Variants in NPIPB2 observed in about 807,000 individuals in gnomAD.
NPIPB2 encodes the protein nuclear pore complex interacting protein family member B2, also known as nuclear pore complex-interacting protein family member B2.
In NPIPB2, 27 loss-of-function variants were observed where a neutral mutation model predicts 30.8. The observed-to-expected ratio is 0.88, with a 90% CI of 0.65 to 1.21. NPIPB2 has a LOEUF of 1.21. Ranked by LOEUF, NPIPB2 falls within the 50% of genes most tolerant of loss-of-function variation. The pLI is 0.00. For synonymous variants in NPIPB2, 147 were observed against 162.0 expected, an observed-to-expected ratio of 0.91 and a Z score of 0.70; for missense variants, 440 against 446.2, an observed-to-expected ratio of 0.99 and a Z score of 0.13.
intron 1 of NPIPB2, chr16:11,941,774 C>T (rs1010643038): frequency 5.6e-5 from 61 of 1,084,722 alleles, no homozygotes; most frequent in Non-Finnish European, 7.8e-5. Flanking sequence ...TCCAATGACC[C>T]CTCCCCCATC....
chr16:11,932,767 C>T (rs1381737764), intron 4 of NPIPB2, among the ~76,000 whole-genome samples: 2 of 60,768 alleles, frequency 3.3e-5, no homozygotes, highest in African/African-American at 1.3e-4. Flanking sequence ...CAGAGTGAGA[C>T]TCTGTCTCAA....
upstream of NPIPB2, among the ~76,000 whole-genome samples, chr16:11,943,603 G>A (rs1214146693): frequency 6.6e-6 from 1 of 151,984 alleles, no homozygotes; most frequent in Non-Finnish European, 1.5e-5. Context: ...TCAGAAGGCT[G>A]AGGCAGGACA....
intron 2 of NPIPB2, among the ~76,000 whole-genome samples, chr16:11,936,793 C>T: frequency 7.0e-6 from 1 of 143,596 alleles, no homozygotes. Flanking sequence ...TGCCCAGACA[C>T]ACTTTTCATT....
At chr16:11,963,351 G>A (rs545913948) in intron 1 of NPIPB2, among the ~76,000 whole-genome samples, 147 of 148,338 alleles carry the variant, frequency 9.9e-4, no homozygotes, top group Non-Finnish European at 1.7e-3. Flanking sequence ...TTGCACTCCA[G>A]CCTGGGCAAT....
chr16:11,961,268 G>C (rs2055150872), intron 1 of NPIPB2, among the ~76,000 whole-genome samples: 3 of 152,140 alleles, frequency 2.0e-5, no homozygotes, highest in South Asian at 4.1e-4. Context: ...AGGGAGTGGA[G>C]CCTCCTGGGC....
intron 1 of NPIPB2, among the ~76,000 whole-genome samples, chr16:11,960,273 G>C (rs1233641231): frequency 1.3e-5 from 2 of 151,718 alleles, no homozygotes; most frequent in African/African-American, 4.8e-5. Context: ...AAGTATATCT[G>C]TCAGACACAA....
intron 1 of NPIPB2, among the ~76,000 whole-genome samples, chr16:11,953,056 G>T (rs966142530): frequency 2.0e-5 from 3 of 152,192 alleles, no homozygotes; most frequent in Admixed American, 2.0e-4. Flanking sequence ...TCTGGTCCCT[G>T]TTCAGGTCTC....
intron 1 of NPIPB2, among the ~76,000 whole-genome samples, chr16:11,947,384 G>T (rs899194793): frequency 6.8e-6 from 1 of 147,424 alleles, no homozygotes; most frequent in East Asian, 2.0e-4. Context: ...TCGCTCTGTC[G>T]CCCAGGCTGG....
chr16:11,945,007 C>T (rs1323259781), upstream of NPIPB2, among the ~76,000 whole-genome samples: 3 of 149,856 alleles, frequency 2.0e-5, no homozygotes, highest in Non-Finnish European at 4.4e-5. Flanking sequence ...GGAGAAACCC[C>T]ATCTCTACTA....
chr16:11,965,491 G>C (rs2055186462), intron 1 of NPIPB2: 4 of 1,607,928 alleles, frequency 2.5e-6, no homozygotes, highest in East Asian at 4.5e-5. Context: ...TCATTGGTGT[G>C]AACTATTCTG....
At chr16:11,970,538 T>G (rs955261281) in intron 1 of NPIPB2, among the ~76,000 whole-genome samples, 1 of 151,980 alleles carries the variant, frequency 6.6e-6, no homozygotes, top group Admixed American at 6.6e-5. Flanking sequence ...TCAGCATTTT[T>G]TTTTTCTTTC....
intron 1 of NPIPB2, among the ~76,000 whole-genome samples, chr16:11,975,075 AAAAAC>A (rs898364062): frequency 7.7e-4 from 115 of 149,760 alleles, no homozygotes; most frequent in African/African-American, 2.7e-3. Flanking sequence ...ATGCCGTCTC[AAAAAC>A]AAAACAAAAC....
rs570613179 is a variant in NPIPB2 at position 11,941,867 on chromosome 16, C to T, written c.63+116G>A. 4.6e-6 allele frequency: 4 copies of T among 872,548 alleles called. No individual in the cohort carries two copies. The Admixed American group carries it at 8.0e-5, about 17-fold the overall frequency. The allele number at this position is 872,548 out of a possible 1,614,324, so 54.1% of individuals were successfully genotyped here. ...TTTCTGGTCCTCCCCAACCAGCTCC[C>T]TGTCCCTGCTTCTGGGCGCTCCTTC... On this transcript the variant is annotated intron_variant, in intron 1 of 7. Coordinates refer to ENST00000399147, the Ensembl canonical transcript of NPIPB2.
At chr16:11,931,900 C>G (rs2054794429) in intron 4 of NPIPB2, among the ~76,000 whole-genome samples, 1 of 152,052 alleles carries the variant, frequency 6.6e-6, no homozygotes, top group Non-Finnish European at 1.5e-5. Flanking sequence ...GAACCCATTT[C>G]CCTGAGTTTC....
chr16:11,939,050 G>T (rs1301332781), intron 1 of NPIPB2, among the ~76,000 whole-genome samples: 2 of 152,032 alleles, frequency 1.3e-5, no homozygotes, highest in Non-Finnish European at 2.9e-5. Flanking sequence ...CTGGCCAGTA[G>T]TTATCTTTTC....
intron 1 of NPIPB2, among the ~76,000 whole-genome samples, chr16:11,970,748 G>A (rs1229074870): frequency 4.0e-5 from 6 of 151,698 alleles, no homozygotes; most frequent in African/African-American, 1.5e-4. Context: ...GTTGGACACG[G>A]TGGTCTTGAA....
chr16:11,962,286 G>A (rs1223978054), intron 1 of NPIPB2, among the ~76,000 whole-genome samples: 1 of 151,354 alleles, frequency 6.6e-6, no homozygotes, highest in Non-Finnish European at 1.5e-5. Flanking sequence ...CGATCACGAG[G>A]TGAGGGGATT....
At chr16:11,933,570 C>T (rs765487478) in exon 4 of NPIPB2, 107 of 1,596,658 alleles carry the variant, frequency 6.7e-5, no homozygotes, top group Middle Eastern at 4.5e-4. Context: ...GGTTGATTTT[C>T]GTTGTCACCT....
intron 1 of NPIPB2, chr16:11,964,065 A>G (rs1309848081): frequency 6.6e-6 from 1 of 151,482 alleles, no homozygotes; most frequent in African/African-American, 2.4e-5. Context: ...CAAGTGATCC[A>G]TTTATGTAAA....
Sources: gnomAD v4.1 joint callset for allele counts (sites outside exome capture counted in the v4.1 genomes callset) on GRCh38, gnomAD v4.1.1 for gene constraint, MANE v1.5 for transcripts, NCBI Gene and HGNC (gene_info 2026-07-23, HGNC 2026-07-21) for gene names.